SAMMSON: variants seen among roughly 807,000 people sequenced by gnomAD.
SAMMSON encodes the protein survival associated mitochondrial melanoma specific oncogenic non-coding RNA.
At chr3:70,223,160 T>C (rs1701475427) in intron 4 of SAMMSON, among the ~76,000 whole-genome samples, 1 of 152,188 alleles carries the variant, frequency 6.6e-6, no homozygotes, top group South Asian at 2.1e-4. Flanking sequence ...TTTACGTCTA[T>C]TTGTAACAGG....
At chr3:70,343,866 A>G (rs1346880061) in intron 7 of SAMMSON, among the ~76,000 whole-genome samples, 1 of 150,662 alleles carries the variant, frequency 6.6e-6, no homozygotes, top group Non-Finnish European at 1.5e-5. Flanking sequence ...TTCATATAAA[A>G]CCATAGATTT....
intron 3 of SAMMSON, among the ~76,000 whole-genome samples, chr3:70,032,005 A>G (rs1174383516): frequency 1.3e-5 from 2 of 152,240 alleles, no homozygotes; most frequent in African/African-American, 2.4e-5. Context: ...TTTGTGTGCA[A>G]TGCACATTTT....
chr3:70,150,870 A>G (rs1468285995), intron 4 of SAMMSON, among the ~76,000 whole-genome samples: 1 of 152,050 alleles, frequency 6.6e-6, no homozygotes, highest in Non-Finnish European at 1.5e-5. Flanking sequence ...AAAGGCTACA[A>G]ATAACAAATA....
intron 6 of SAMMSON, among the ~76,000 whole-genome samples, chr3:70,278,530 A>T (rs557161899): frequency 2.0e-4 from 30 of 152,182 alleles, no homozygotes; most frequent in Non-Finnish European, 3.8e-4. Context: ...ACTGTATGAG[A>T]GTTCAGTCAC....
chr3:70,137,818 C>G (rs2067512231), intron 4 of SAMMSON, among the ~76,000 whole-genome samples: 1 of 152,172 alleles, frequency 6.6e-6, no homozygotes, highest in South Asian at 2.1e-4. Flanking sequence ...CCATAAGTCT[C>G]TAATATCCAG....
At chr3:70,066,448 G>A (rs1464181898) in intron 3 of SAMMSON, among the ~76,000 whole-genome samples, 2 of 152,042 alleles carry the variant, frequency 1.3e-5, no homozygotes, top group Admixed American at 6.6e-5. Context: ...TGGACAAAGA[G>A]TCTCAGAAAA....
chr3:70,186,312 G>A (rs1024020593), intron 4 of SAMMSON, among the ~76,000 whole-genome samples: 5 of 150,448 alleles, frequency 3.3e-5, no homozygotes, highest in Non-Finnish European at 7.4e-5. Context: ...GGGCTCTAGT[G>A]CAGTGGCATG....
At chr3:70,023,201 A>G (rs2067022701) in intron 3 of SAMMSON, among the ~76,000 whole-genome samples, 1 of 152,082 alleles carries the variant, frequency 6.6e-6, no homozygotes, top group African/African-American at 2.4e-5. Context: ...TCACGTCTGT[A>G]ATCCCAGCAC....
chr3:70,118,000 C>A (rs1415459790), intron 4 of SAMMSON, among the ~76,000 whole-genome samples: 1 of 152,142 alleles, frequency 6.6e-6, no homozygotes, highest in African/African-American at 2.4e-5. Flanking sequence ...TCACTGCAAC[C>A]TCCACCTCCC....
intron 4 of SAMMSON, among the ~76,000 whole-genome samples, chr3:70,163,956 C>A (rs981126863): frequency 6.6e-6 from 1 of 151,986 alleles, no homozygotes; most frequent in African/African-American, 2.4e-5. Flanking sequence ...TAGCCATGTG[C>A]CCCATAAACC....
At chr3:70,245,714 TAC>T (rs1405879331) in intron 4 of SAMMSON, among the ~76,000 whole-genome samples, 8 of 123,948 alleles carry the variant, frequency 6.5e-5, no homozygotes, top group South Asian at 2.6e-4. Context: ...TATATATATA[TAC>T]ACATTCAAAT....
chr3:70,037,254 G>A (rs2067088655), intron 3 of SAMMSON, among the ~76,000 whole-genome samples: 1 of 151,724 alleles, frequency 6.6e-6, no homozygotes. Flanking sequence ...CATTCACACT[G>A]TCCTTCCCCT....
At chr3:70,096,652 CAAAG>C (rs1371431751) in intron 4 of SAMMSON, among the ~76,000 whole-genome samples, 2 of 152,088 alleles carry the variant, frequency 1.3e-5, no homozygotes, top group Admixed American at 6.5e-5. Flanking sequence ...TATTTATACT[CAAAG>C]GAAGGATACT....
At chr3:70,120,764 C>G (rs2106666686) in intron 4 of SAMMSON, 1 of 152,320 alleles carries the variant, frequency 6.6e-6, no homozygotes, top group Middle Eastern at 3.4e-3. Flanking sequence ...TCTGCTGAGT[C>G]AGGGATGCAC....
chr3:70,021,791 C>G (rs2067014256), intron 3 of SAMMSON, among the ~76,000 whole-genome samples: 1 of 152,038 alleles, frequency 6.6e-6, no homozygotes, highest in South Asian at 2.1e-4. Context: ...TGCATTTGTA[C>G]AAATCTGTTT....
exon 10 of SAMMSON, chr3:70,389,617 G>C (rs1200013833): frequency 6.6e-6 from 1 of 152,120 alleles, no homozygotes; most frequent in East Asian, 1.9e-4. Flanking sequence ...GCTGGCCTTT[G>C]TGACTTGCTT....
intron 3 of SAMMSON, among the ~76,000 whole-genome samples, chr3:70,049,616 T>C (rs2067139067): frequency 6.6e-6 from 1 of 152,150 alleles, no homozygotes; most frequent in Non-Finnish European, 1.5e-5. Context: ...CAAAGCCCAT[T>C]AATGTTTATT....
At chr3:70,203,921 A>G (rs1165996238) in intron 4 of SAMMSON, among the ~76,000 whole-genome samples, 1 of 152,116 alleles carries the variant, frequency 6.6e-6, no homozygotes, top group Non-Finnish European at 1.5e-5. Flanking sequence ...TCCTCTGGAC[A>G]CTTTCCATTT....
chr3:70,045,143 A>G (rs1269452808), intron 3 of SAMMSON, among the ~76,000 whole-genome samples: 10 of 130,794 alleles, frequency 7.6e-5, no homozygotes, highest in Admixed American at 4.3e-4. Context: ...ATTATAATTT[A>G]TATATATTAA....
Sources: gnomAD v4.1 joint callset for allele counts (sites outside exome capture counted in the v4.1 genomes callset) on GRCh38, gnomAD v4.1.1 for gene constraint, MANE v1.5 for transcripts, NCBI Gene and HGNC (gene_info 2026-07-23, HGNC 2026-07-21) for gene names.